SCPEP1: variants seen among roughly 807,000 people sequenced by gnomAD.
SCPEP1 encodes serine carboxypeptidase 1.
A neutral mutation model predicts 63.8 loss-of-function variants in SCPEP1; 51 were observed. The ratio of observed to expected loss-of-function variants is 0.80; its 90% confidence interval spans 0.64 to 1.01. The LOEUF (loss-of-function observed/expected upper bound fraction) is 1.01, where lower values mean the gene tolerates loss of function less well. SCPEP1 is among the 50% of genes least tolerant of loss of function. SCPEP1 has a pLI of 0.00. For missense variants in SCPEP1, 499 were observed against 554.9 expected, an observed-to-expected ratio of 0.90 and a Z score of 1.01; for synonymous variants, 204 against 207.8, an observed-to-expected ratio of 0.98 and a Z score of 0.16.
intron 2 of SCPEP1, 87 bp from the exon 3 acceptor site, chr17:56,985,291 C>G: frequency 9.8e-7 from 1 of 1,017,598 alleles, no homozygotes; most frequent in Non-Finnish European, 1.5e-6. Flanking sequence ...ATCACTAACT[C>G]ATAAACCATC....
At position 57,006,237 on chromosome 17, in the gene SCPEP1, A is replaced by G. The variant is rs939829468; in HGVS notation, c.*2A>G. The G allele has an allele frequency of 3.1e-6, 5 of 1,610,970 alleles. No individual in the cohort carries two copies. The highest frequency in any genetic ancestry group is 4.2e-6 in the Non-Finnish European group (5 of 1,178,662). The stretch of plus-strand genomic sequence containing the variant: ...AGACTGGTGACTCAGCAAGAATAGG[A>G]TGGATGGGGCTGGAGATGAGCTGGT... On this transcript the variant is annotated 3_prime_UTR_variant, in exon 13 of 13. Transcript: ENST00000262288.
intron 6 of SCPEP1, among the ~76,000 whole-genome samples, chr17:56,993,217 T>A (rs1436748490): frequency 3.3e-5 from 5 of 152,218 alleles, no homozygotes; most frequent in African/African-American, 9.7e-5. Context: ...TTATAATTTT[T>A]AAATACAATT....
intron 5 of SCPEP1, 26 bp downstream of exon 5, chr17:56,988,316 T>C (rs1283429269): frequency 7.0e-6 from 11 of 1,568,538 alleles, no homozygotes; most frequent in African/African-American, 1.4e-5. Context: ...TTTGTTGTTA[T>C]GGTTTTGGAC....
chr17:56,996,868 C>T (rs1362086495), intron 8 of SCPEP1, 94 bp from the exon 9 acceptor site: 2 of 737,720 alleles, frequency 2.7e-6, no homozygotes, highest in East Asian at 2.7e-5. Context: ...TTAAACCTGT[C>T]CTTGGATAAG....
At chr17:56,983,741 A>G (rs1007038730) in intron 2 of SCPEP1, 3 of 152,130 alleles carry the variant, frequency 2.0e-5, no homozygotes, top group Non-Finnish European at 4.4e-5. Flanking sequence ...AGGTTGGTCC[A>G]GGTTCAAAAC....
chr17:56,988,180 A>G, intron 4 of SCPEP1, 36 bp from the exon 5 acceptor site: 1 of 1,398,102 alleles, frequency 7.2e-7, no homozygotes, highest in Non-Finnish European at 9.7e-7. Context: ...AAAGCAATCA[A>G]GGTAGTTAAT....
At chr17:56,989,726 C>G (rs543441278) in intron 5 of SCPEP1, among the ~76,000 whole-genome samples, 1 of 152,058 alleles carries the variant, frequency 6.6e-6, no homozygotes, top group African/African-American at 2.4e-5. Context: ...GCCGGCAGAT[C>G]GCTTGAGGTT....
At chr17:56,987,894 T>G (rs754811914) in intron 4 of SCPEP1, 44 bp downstream of exon 4, 1 of 1,603,246 alleles carries the variant, frequency 6.2e-7, no homozygotes, top group Non-Finnish European at 8.5e-7. Flanking sequence ...GCTGGCAATA[T>G]CAACTCTACA....
chr17:57,005,052 C>T (rs1478806497), intron 12 of SCPEP1, among the ~76,000 whole-genome samples: 1 of 152,208 alleles, frequency 6.6e-6, no homozygotes, highest in Non-Finnish European at 1.5e-5. Flanking sequence ...ACCTACAATG[C>T]TGTGTTTTGA....
At chr17:56,995,457 T>C (rs1462058892) in intron 7 of SCPEP1, 50 bp from the exon 8 acceptor site, 1 of 1,594,354 alleles carries the variant, frequency 6.3e-7, no homozygotes, top group East Asian at 2.2e-5. Context: ...CAATACCAGA[T>C]TGACGTTCCC....
intron 1 of SCPEP1, among the ~76,000 whole-genome samples, chr17:56,980,203 C>G (rs915811886): frequency 1.3e-5 from 2 of 152,178 alleles, no homozygotes; most frequent in East Asian, 3.9e-4. Context: ...CAGCCTCAAC[C>G]TACTGGGCTC....
chr17:56,985,605 T>G (rs1736797369), intron 3 of SCPEP1, 138 bp downstream of exon 3: 1 of 666,698 alleles, frequency 1.5e-6, no homozygotes. Flanking sequence ...CCATGGGCAC[T>G]TGTCCGCAGG....
chr17:57,002,971 T>A (rs1245674787), intron 12 of SCPEP1, among the ~76,000 whole-genome samples: 1 of 152,060 alleles, frequency 6.6e-6, no homozygotes, highest in Admixed American at 6.6e-5. Flanking sequence ...CACTAGAGAC[T>A]GCGAGCACAA....
intron 9 of SCPEP1, among the ~76,000 whole-genome samples, chr17:56,997,317 C>G (rs999320245): frequency 1.3e-5 from 2 of 152,156 alleles, no homozygotes; most frequent in Admixed American, 1.3e-4. Context: ...CAGGCAACCA[C>G]TCATCTGCCT....
intron 6 of SCPEP1, among the ~76,000 whole-genome samples, chr17:56,993,037 A>G (rs939555867): frequency 3.9e-5 from 6 of 152,230 alleles, no homozygotes; most frequent in Non-Finnish European, 7.4e-5. Flanking sequence ...GTTAATTTCC[A>G]TGAACAATTG....
chr17:57,001,964 T>TC, intron 11 of SCPEP1, 54 bp from the exon 12 acceptor site: 1 of 1,561,074 alleles, frequency 6.4e-7, no homozygotes, highest in Non-Finnish European at 8.6e-7. Flanking sequence ...TAGACTTTTT[T>TC]CCTATTCTAT....
chr17:56,978,270 C>T, intron 1 of SCPEP1, 35 bp downstream of exon 1: 2 of 1,506,866 alleles, frequency 1.3e-6, no homozygotes, highest in Admixed American at 2.0e-5. Context: ...AGCTGCCATG[C>T]CTCTTTTTTC....
At chr17:56,993,407 G>A (rs930910306) in intron 6 of SCPEP1, among the ~76,000 whole-genome samples, 20 of 152,054 alleles carry the variant, frequency 1.3e-4, no homozygotes, top group Admixed American at 3.9e-4. Context: ...CTGCCCTGCC[G>A]CCTGCTCTGG....
At chr17:56,990,120 G>A (rs1276704082) in intron 5 of SCPEP1, among the ~76,000 whole-genome samples, 2 of 152,182 alleles carry the variant, frequency 1.3e-5, no homozygotes, top group Admixed American at 6.6e-5. Context: ...TGGGTATTTA[G>A]TTGTGGAACG....
Sources: gnomAD v4.1 joint callset for allele counts (sites outside exome capture counted in the v4.1 genomes callset) on GRCh38, gnomAD v4.1.1 for gene constraint, MANE v1.5 for transcripts, NCBI Gene and HGNC (gene_info 2026-07-23, HGNC 2026-07-21) for gene names.